The following NCAM1 variants were observed in gnomAD, a reference collection of about 807,000 sequenced individuals.
The protein encoded by NCAM1 is neural cell adhesion molecule 1.
Under a neutral mutation model 109.8 loss-of-function variants are expected in NCAM1, and 14 were observed. That is an observed-to-expected ratio of 0.13 (90% CI 0.08 to 0.20). The LOEUF (loss-of-function observed/expected upper bound fraction) is 0.20, where lower values mean the gene tolerates loss of function less well. Among genes scored for constraint, NCAM1 ranks in the 10% least tolerant of loss-of-function variants. NCAM1 has a pLI of 1.00. For synonymous variants in NCAM1, 418 were observed against 442.9 expected, an observed-to-expected ratio of 0.94 and a Z score of 0.70; for missense variants, 774 against 1,109.9, an observed-to-expected ratio of 0.70 and a Z score of 4.30.
chr11:113,140,302 G>C (rs1182951395), intron 1 of NCAM1, among the ~76,000 whole-genome samples: 1 of 152,090 alleles, frequency 6.6e-6, no homozygotes, highest in African/African-American at 2.4e-5. Flanking sequence ...TACAGGTGTA[G>C]GAAACCTCTC....
intron 14 of NCAM1, among the ~76,000 whole-genome samples, chr11:113,239,617 TG>T (rs1372053227): frequency 2.0e-5 from 3 of 148,360 alleles, no homozygotes; most frequent in African/African-American, 7.4e-5. Context: ...GCCATACTCC[TG>T]AGTCTCTACT....
intron 16 of NCAM1, among the ~76,000 whole-genome samples, chr11:113,256,888 G>A (rs1945848262): frequency 6.6e-6 from 1 of 152,244 alleles, no homozygotes; most frequent in South Asian, 2.1e-4. Flanking sequence ...CCAGGGAGCA[G>A]TTTCCTTTCT....
Position 113,176,764 on chromosome 11 carries a change from T to C in NCAM1, c.53-25615T>C, listed in dbSNP as rs531044576. ...TGTGGTTTTTTTTTCTCTATGGCTA[T>C]GGGATGGAGCCAAATTTAGCTTAAC... On this transcript the variant is annotated intron_variant, in intron 1 of 19. Transcript: ENST00000316851. Among the ~76,000 whole-genome samples the C allele has an allele frequency of 1.1e-3, 170 of 152,304 alleles. 1 individual carries two copies. The highest frequency in any genetic ancestry group is 8.9e-3 in the South Asian group (43 of 4,810).
chr11:113,109,883 C>G (rs1389858788), intron 1 of NCAM1, among the ~76,000 whole-genome samples: 3 of 152,108 alleles, frequency 2.0e-5, no homozygotes, highest in Admixed American at 1.3e-4. Context: ...TTTGGGAGAT[C>G]ATTCCTTGGC....
chr11:113,249,928 A>G (rs1348944932), intron 15 of NCAM1, among the ~76,000 whole-genome samples: 1 of 152,160 alleles, frequency 6.6e-6, no homozygotes, highest in African/African-American at 2.4e-5. Flanking sequence ...TTTACAGACC[A>G]GATGCCTTAG....
At chr11:113,262,717 C>T in intron 17 of NCAM1, 5 of 1,023,528 alleles carry the variant, frequency 4.9e-6, no homozygotes, top group South Asian at 1.9e-5. Flanking sequence ...CCCTTTCCTT[C>T]TGTCCCCCTC....
At chr11:113,054,546 T>A (rs1319965467) in intron 1 of NCAM1, among the ~76,000 whole-genome samples, 1 of 152,212 alleles carries the variant, frequency 6.6e-6, no homozygotes, top group African/African-American at 2.4e-5. Context: ...CAGAAATTAC[T>A]TATAGCCTTA....
intron 1 of NCAM1, among the ~76,000 whole-genome samples, chr11:113,136,448 A>G (rs1941601150): frequency 6.6e-6 from 1 of 152,180 alleles, no homozygotes; most frequent in Admixed American, 6.5e-5. Flanking sequence ...GTGCAGGAGC[A>G]AGGCCCCCCA....
At chr11:113,191,541 G>C (rs1943673563) in intron 1 of NCAM1, among the ~76,000 whole-genome samples, 1 of 152,146 alleles carries the variant, frequency 6.6e-6, no homozygotes, top group Non-Finnish European at 1.5e-5. Context: ...TCACATCTTG[G>C]CTTTACTGCT....
chr11:113,127,376 A>G (rs1941220170), intron 1 of NCAM1, among the ~76,000 whole-genome samples: 1 of 152,190 alleles, frequency 6.6e-6, no homozygotes, highest in Admixed American at 6.5e-5. Context: ...AAGACTGTGT[A>G]CAGAAAACTG....
intron 6 of NCAM1, among the ~76,000 whole-genome samples, 197 bp from the exon 7 acceptor site, chr11:113,207,636 G>A (rs1488763881): frequency 6.6e-6 from 1 of 152,182 alleles, no homozygotes; most frequent in African/African-American, 2.4e-5. Flanking sequence ...GGGTACAGTT[G>A]CAGCCCTTGG....
Position 113,204,361 on chromosome 11 carries a change from G to A in NCAM1, c.203G>A (p.Arg68Gln), listed in dbSNP as rs781923557. The change falls in exon 3 of 20, where the codon CGG (arginine) becomes CAG (glutamine). Residue 68 changes from arginine to glutamine, a missense_variant. Physicochemically the swap from Arg to Gln is conservative, Grantham distance 43 (BLOSUM62 1). Transcript: ENST00000316851. ...GAAAAGCTCACCCCAAACCAGCAGC[G>A]GATCTCAGTGGTGTGGAATGATGAT... The part of the protein sequence containing the change: ...NGEKLTPNQQ[R>Q]ISVVWNDDSS... 12 of 1,613,908 alleles carry A rather than the reference G, an allele frequency of 7.4e-6. No homozygotes were observed. Among genetic ancestry groups the A allele is most frequent in the Non-Finnish European group, 9.3e-6 (11 of 1,179,868 alleles).
At chr11:113,050,561 A>AT (rs1294500429) in intron 1 of NCAM1, among the ~76,000 whole-genome samples, 1 of 152,100 alleles carries the variant, frequency 6.6e-6, no homozygotes, top group Non-Finnish European at 1.5e-5. Flanking sequence ...TACCAGTACC[A>AT]TGCTGTTTTG....
intron 1 of NCAM1, among the ~76,000 whole-genome samples, chr11:113,097,016 A>T (rs1489272026): frequency 6.6e-6 from 1 of 152,146 alleles, no homozygotes; most frequent in African/African-American, 2.4e-5. Flanking sequence ...GCCCTGTGCC[A>T]ATCCCATGCT....
At chr11:113,247,939 C>G (rs1945550128) in intron 15 of NCAM1, among the ~76,000 whole-genome samples, 1 of 152,172 alleles carries the variant, frequency 6.6e-6, no homozygotes, top group African/African-American at 2.4e-5. Flanking sequence ...GGAAAAAGAT[C>G]TGGGCCTTCA....
At chr11:113,098,067 G>A (rs962818932) in intron 1 of NCAM1, among the ~76,000 whole-genome samples, 9 of 152,120 alleles carry the variant, frequency 5.9e-5, no homozygotes, top group East Asian at 3.9e-4. Flanking sequence ...AATTCATGAC[G>A]TGGAATGTGT....
At chr11:113,226,721 A>G (rs1423938735) in intron 9 of NCAM1, among the ~76,000 whole-genome samples, 1 of 152,220 alleles carries the variant, frequency 6.6e-6, no homozygotes, top group East Asian at 1.9e-4. Context: ...AGAAATGATA[A>G]CAAACTGTCT....
chr11:113,150,949 G>A (rs1175781327), intron 1 of NCAM1, among the ~76,000 whole-genome samples: 2 of 152,198 alleles, frequency 1.3e-5, no homozygotes, highest in Admixed American at 1.3e-4. Context: ...TAGTTGAGGT[G>A]TGGTCAGTTA....
At chr11:113,189,641 C>T (rs907216173) in intron 1 of NCAM1, among the ~76,000 whole-genome samples, 1 of 151,984 alleles carries the variant, frequency 6.6e-6, no homozygotes, top group Non-Finnish European at 1.5e-5. Flanking sequence ...CATCAAAGCA[C>T]ATTATGACAT....
Sources: gnomAD v4.1 joint callset for allele counts (sites outside exome capture counted in the v4.1 genomes callset) on GRCh38, gnomAD v4.1.1 for gene constraint, MANE v1.5 for transcripts, NCBI Gene and HGNC (gene_info 2026-07-23, HGNC 2026-07-21) for gene names.